CCBE1: variants seen among roughly 807,000 people sequenced by gnomAD.
The protein encoded by CCBE1 is collagen and calcium-binding EGF domain-containing protein 1.
CCBE1 carries 37 observed loss-of-function variants against 50.0 expected under a neutral mutation model. The ratio of observed to expected loss-of-function variants is 0.74; its 90% CI spans 0.57 to 0.97. CCBE1 has a LOEUF of 0.97. Among genes scored for constraint, CCBE1 ranks in the 50% least tolerant of loss-of-function variants. The probability of loss-of-function intolerance (pLI) is 0.00; values close to 1 mark genes in which losing one functional copy is unlikely to be tolerated. For missense variants in CCBE1, 538 were observed against 523.8 expected (o/e 1.03, Z -0.26); for synonymous variants, 234 against 203.7 (o/e 1.15, Z -1.27).
rs1054514916 is a variant in CCBE1, at chr18:59,480,431, C to T, written c.213-193G>A. On this transcript the variant is annotated intron_variant, in intron 2 of 10. Coordinates refer to ENST00000439986, the MANE Select transcript of CCBE1 (RefSeq NM_133459.4). ...AATAATACATGACATTTTCTAATACCGGGATATTCTTTCTGCTACATAATA... is the reference window on the plus strand; with the variant it reads ...AATAATACATGACATTTTCTAATACTGGGATATTCTTTCTGCTACATAATA... Among the ~76,000 whole-genome samples the T allele has an allele frequency of 4.6e-5, 7 of 151,952 alleles. No individual in the cohort carries two copies. The South Asian group carries it at 6.2e-4, about 14-fold the overall frequency.
chr18:59,488,600 G>A (rs1329488433), intron 2 of CCBE1, among the ~76,000 whole-genome samples: 3 of 152,162 alleles, frequency 2.0e-5, no homozygotes, highest in Non-Finnish European at 4.4e-5. Context: ...TCAAAAACCA[G>A]AAGACCTGGA....
chr18:59,614,610 C>G (rs1477059455), intron 2 of CCBE1, among the ~76,000 whole-genome samples: 2 of 152,184 alleles, frequency 1.3e-5, no homozygotes, highest in Admixed American at 1.3e-4. Context: ...CAATGAAGCC[C>G]AGAAGGAAGG....
Position 59,521,534 on chromosome 18 carries a change from G to A in CCBE1, c.213-41296C>T, listed in dbSNP as rs545961144. Among the ~76,000 whole-genome samples, 25 of 152,232 alleles carry A rather than the reference G, an allele frequency of 1.6e-4. No individual in the cohort carries two copies. In the South Asian group the frequency reaches 5.0e-3, roughly 30 times the overall value. On this transcript the variant is annotated intron_variant, in intron 2 of 10. Transcript: ENST00000439986. ...CTCTGCAGTCAGCAGCAGATCCAAG[G>A]CCTCTTCTGTGGAGTCTGTTCCCTC...
At chr18:59,558,682 G>T (rs1316202848) in intron 2 of CCBE1, among the ~76,000 whole-genome samples, 1 of 152,172 alleles carries the variant, frequency 6.6e-6, no homozygotes, top group Non-Finnish European at 1.5e-5. Flanking sequence ...GAACGAGAGA[G>T]CCAAAGCTGT....
intron 2 of CCBE1, among the ~76,000 whole-genome samples, chr18:59,673,199 C>T (rs772525336): frequency 1.3e-5 from 2 of 152,092 alleles, no homozygotes; most frequent in African/African-American, 2.4e-5. Flanking sequence ...GCCTGTAATC[C>T]CAGCTCTGTG....
intron 2 of CCBE1, among the ~76,000 whole-genome samples, chr18:59,524,168 A>G (rs1271592717): frequency 2.0e-5 from 3 of 152,158 alleles, no homozygotes; most frequent in African/African-American, 7.2e-5. Context: ...TAAAAATATA[A>G]AAATTGCCAG....
chr18:59,674,560 T>C (rs561339063), intron 2 of CCBE1, among the ~76,000 whole-genome samples: 1 of 152,300 alleles, frequency 6.6e-6, no homozygotes, highest in Admixed American at 6.5e-5. Flanking sequence ...ATGGCACGTA[T>C]ATACCTATGT....
At chr18:59,571,229 T>G (rs1244994952) in intron 2 of CCBE1, among the ~76,000 whole-genome samples, 1 of 152,192 alleles carries the variant, frequency 6.6e-6, no homozygotes, top group Non-Finnish European at 1.5e-5. Flanking sequence ...ATGTAACTTT[T>G]CCTTATGTGT....
At chr18:59,627,690 C>T (rs573199424) in intron 2 of CCBE1, among the ~76,000 whole-genome samples, 1 of 152,252 alleles carries the variant, frequency 6.6e-6, no homozygotes, top group East Asian at 1.9e-4. Context: ...CAAGGAACGC[C>T]AAAGCTTGTC....
chr18:59,439,801 T>G lies in CCBE1; in HGVS notation c.791A>C (p.Lys264Thr), dbSNP rs1437735872. 2 of 1,613,958 alleles carry G rather than the reference T, an allele frequency of 1.2e-6. No individual in the cohort carries two copies. The highest frequency in any genetic ancestry group is 3.3e-5 in the Admixed American group (2 of 60,012). ...GQGPPGSPGP[K>T]GSPGFPGMPG... ...CATACCGGGGAAGCCTGGGCTTCCCTTTGGTCCTGGTGAGCCTGTAATCAA... is the reference window on the plus strand; with the variant it reads ...CATACCGGGGAAGCCTGGGCTTCCCGTTGGTCCTGGTGAGCCTGTAATCAA... Residue 264 changes from lysine to threonine, a missense_variant, in exon 8 of 11, where the codon AAG becomes ACG. Lys to Thr is a moderately conservative substitution (Grantham distance 78). Transcript: ENST00000439986.
chr18:59,534,792 C>T (rs1172594937), intron 2 of CCBE1, among the ~76,000 whole-genome samples: 2 of 152,190 alleles, frequency 1.3e-5, no homozygotes, highest in Non-Finnish European at 2.9e-5. Context: ...GCTGCGTAGC[C>T]TGGAATTCAC....
At position 59,633,075 on chromosome 18, in the gene CCBE1, T is replaced by C. The variant is rs547859257; in HGVS notation, c.212+63554A>G. On this transcript the variant is annotated intron_variant, in intron 2 of 10. Coordinates refer to ENST00000439986, the MANE Select transcript of CCBE1 (RefSeq NM_133459.4). ...AGAGGGGACAATCCAAACAGCCTCC[T>C]CCTCCTTCCCTGGGCACAGCTCTCA... Among the ~76,000 whole-genome samples the C allele has an allele frequency of 3.3e-5, 5 of 152,276 alleles. No individual in the cohort carries two copies. In the South Asian group the frequency reaches 1.0e-3, roughly 32 times the overall value.
At chr18:59,509,953 T>G (rs1186198575) in intron 2 of CCBE1, among the ~76,000 whole-genome samples, 1 of 152,156 alleles carries the variant, frequency 6.6e-6, no homozygotes, top group East Asian at 1.9e-4. Flanking sequence ...CACATTTTGT[T>G]GTACAAGGAC....
intron 3 of CCBE1, among the ~76,000 whole-genome samples, chr18:59,470,314 A>G (rs974334690): frequency 6.6e-6 from 1 of 152,114 alleles, no homozygotes; most frequent in Non-Finnish European, 1.5e-5. Flanking sequence ...TGAGAACACC[A>G]TGGGAAAGAC....
At chr18:59,444,523 T>C (rs1252998430) in intron 7 of CCBE1, among the ~76,000 whole-genome samples, 1 of 151,892 alleles carries the variant, frequency 6.6e-6, no homozygotes, top group Non-Finnish European at 1.5e-5. Flanking sequence ...ATTTTCTCGG[T>C]GGTTTTTTTT....
chr18:59,464,325 G>A (rs933994681), intron 5 of CCBE1, among the ~76,000 whole-genome samples: 4 of 152,198 alleles, frequency 2.6e-5, no homozygotes, highest in African/African-American at 9.6e-5. Flanking sequence ...ATACTTGGGA[G>A]GCTGAGGCAG....
chr18:59,469,728 A>G, intron 3 of CCBE1, 121 bp from the exon 4 acceptor site: 1 of 1,308,342 alleles, frequency 7.6e-7, no homozygotes. Flanking sequence ...GTGTGGACAG[A>G]TATACTTGGA....
intron 2 of CCBE1, among the ~76,000 whole-genome samples, chr18:59,692,683 G>C (rs2054747990): frequency 6.6e-6 from 1 of 152,116 alleles, no homozygotes; most frequent in African/African-American, 2.4e-5. Flanking sequence ...ACAAGACTTG[G>C]CAACACAGTT....
At chr18:59,554,825 G>T (rs1368684299) in intron 2 of CCBE1, among the ~76,000 whole-genome samples, 1 of 151,632 alleles carries the variant, frequency 6.6e-6, no homozygotes, top group Non-Finnish European at 1.5e-5. Context: ...GGAGACAAAA[G>T]AAGGGGTAGG....
Sources: allele counts gnomAD v4.1 joint callset (sites outside exome capture counted in the v4.1 genomes callset), GRCh38; gene constraint gnomAD v4.1.1; transcripts MANE v1.5; gene names NCBI Gene and HGNC (gene_info 2026-07-23, HGNC 2026-07-21).